Variants in CRACD observed in about 807,000 individuals in gnomAD.
CRACD encodes capping protein-inhibiting regulator of actin dynamics.
A neutral mutation model predicts 106.8 loss-of-function variants in CRACD; 56 were observed. The observed-to-expected ratio is 0.52, with a 90% CI of 0.42 to 0.66. CRACD has a LOEUF of 0.66. Among genes scored for constraint, CRACD ranks in the 30% least tolerant of loss-of-function variants. The pLI, the probability that CRACD is intolerant of heterozygous loss-of-function variation, is 0.00. For missense variants in CRACD, 1,730 were observed against 1,623.2 expected (o/e 1.07, Z -1.13); for synonymous variants, 754 against 670.8 (o/e 1.12, Z -1.92).
chr4:56,196,673 C>T (rs1737627454), intron 2 of CRACD, among the ~76,000 whole-genome samples: 1 of 152,182 alleles, frequency 6.6e-6, no homozygotes, highest in African/African-American at 2.4e-5. Context: ...TCTAGTGACT[C>T]TGTCTTTACT....
Position 56,316,389 on chromosome 4 carries a change from C to T in CRACD, c.2887C>T (p.Leu963=). ...AATGCCACTGGCACAAAAGCCAGCA[C>T]TGGCTCCCAAGCCCACCAGTCAGAC... ...NKMPLAQKPA[L]APKPTSQTPP... is the part of the protein sequence containing the mutation. Residue 963 remains leucine, a synonymous_variant, in exon 8 of 11, where the codon CTG becomes TTG. Transcript: ENST00000682029. 1 of 1,614,164 alleles carries T rather than the reference C, an allele frequency of 6.2e-7. No homozygotes were observed. The highest frequency in any genetic ancestry group is 1.1e-5 in the South Asian group (1 of 91,092).
chr4:56,182,805 A>G (rs1251155201), intron 2 of CRACD, among the ~76,000 whole-genome samples: 12 of 151,984 alleles, frequency 7.9e-5, no homozygotes, highest in Non-Finnish European at 1.8e-4. Flanking sequence ...AAACATATGT[A>G]GAACATTTTG....
At chr4:56,071,271 G>A (rs1393128054) in intron 1 of CRACD, among the ~76,000 whole-genome samples, 1 of 152,212 alleles carries the variant, frequency 6.6e-6, no homozygotes, top group African/African-American at 2.4e-5. Flanking sequence ...TGACAGTGGA[G>A]TGTACCTGCA....
At position 56,315,065 on chromosome 4, in the gene CRACD, G is replaced by A. The variant is rs770143053; in HGVS notation, c.1563G>A (p.Glu521=). 1.9e-5 allele frequency: 30 copies of A among 1,609,784 alleles called. No individual in the cohort carries two copies. The Middle Eastern group carries it at 4.9e-4, about 26-fold the overall frequency. ...AALEQGRKVE[E]LRWQEVDERQ... Reference sequence around the variant, plus strand: ...TTGAACAAGGCCGCAAGGTGGAGGAGCTGCGGTGGCAGGAGGTGGACGAGA... The same window carrying A: ...TTGAACAAGGCCGCAAGGTGGAGGAACTGCGGTGGCAGGAGGTGGACGAGA... The change falls in exon 8 of 11, where the codon GAG becomes GAA. Residue 521 remains glutamate (E), a synonymous_variant. Transcript: ENST00000682029. The surrounding 1 kb of genome is among the most constrained non-coding windows in gnomAD (Gnocchi z 4.1).
At chr4:56,192,992 C>T (rs1737445729) in intron 2 of CRACD, among the ~76,000 whole-genome samples, 1 of 152,144 alleles carries the variant, frequency 6.6e-6, no homozygotes, top group African/African-American at 2.4e-5. Context: ...GCTGATTAGT[C>T]CATTCTCATG....
intron 1 of CRACD, among the ~76,000 whole-genome samples, chr4:56,126,909 G>C (rs1734678365): frequency 6.6e-6 from 1 of 152,006 alleles, no homozygotes; most frequent in Non-Finnish European, 1.5e-5. Flanking sequence ...CTGTTTGTTT[G>C]TTTTCTATTC....
At chr4:56,169,521 A>G (rs894560234) in intron 1 of CRACD, among the ~76,000 whole-genome samples, 5 of 152,056 alleles carry the variant, frequency 3.3e-5, no homozygotes, top group Admixed American at 6.6e-5. Context: ...GTTTTGAGAC[A>G]GGATCTGGCT....
intron 1 of CRACD, among the ~76,000 whole-genome samples, chr4:56,077,125 TG>T (rs890113617): frequency 6.6e-6 from 1 of 152,170 alleles, no homozygotes; most frequent in Non-Finnish European, 1.5e-5. Flanking sequence ...TACCCAAGAC[TG>T]GGTAATTTAT....
intron 1 of CRACD, among the ~76,000 whole-genome samples, chr4:56,100,449 T>C (rs146856069): frequency 1.3e-5 from 2 of 152,356 alleles, no homozygotes; most frequent in African/African-American, 4.8e-5. Context: ...AGAGTAACTT[T>C]ACTGCCTCCC....
chr4:56,148,710 T>C (rs6837469), intron 1 of CRACD, among the ~76,000 whole-genome samples: 67,428 of 152,066 alleles, frequency 0.44, 15,534 homozygotes, highest in African/African-American at 0.57. Flanking sequence ...TCAAATTGTT[T>C]CTTTATTGTT....
At chr4:56,080,358 A>T (rs1220405589) in intron 1 of CRACD, among the ~76,000 whole-genome samples, 1 of 152,196 alleles carries the variant, frequency 6.6e-6, no homozygotes, top group African/African-American at 2.4e-5. Flanking sequence ...TCTAAATTTG[A>T]TGTCCATAAA....
At chr4:56,158,753 A>G (rs540906774) in intron 1 of CRACD, among the ~76,000 whole-genome samples, 2 of 152,370 alleles carry the variant, frequency 1.3e-5, no homozygotes, top group South Asian at 2.1e-4. Context: ...GCAGCCATCA[A>G]TCAGCTCTTT....
chr4:56,314,501 GC>G lies in CRACD; in HGVS notation c.1000del (p.Arg334GlyfsTer90). 2 of 1,517,964 alleles carry G rather than the reference GC, an allele frequency of 1.3e-6. No homozygotes were observed. Among genetic ancestry groups the G allele is most frequent in the Non-Finnish European group, 8.8e-7 (1 of 1,136,116 alleles). 94.0% of individuals were successfully genotyped at this position (1,517,964 alleles called of 1,614,324 possible). A position where few individuals can be genotyped will look rare whatever the true frequency, so the allele number is the denominator to read the frequency against. ...CCCAGGCCCAAGCGGAGGAGAGGCG[GC>G]GGCTGGAGGAGGACGCCAGGCTGGA... is the stretch of plus-strand genomic sequence containing the variant. ...QAQAQAEERR[R>X]LEEDARLEER... On this transcript the variant is annotated frameshift_variant, in exon 8 of 11. Coordinates refer to ENST00000682029, the MANE Select transcript of CRACD (RefSeq NM_001393381.1). LOFTEE classifies it high-confidence loss of function. The surrounding 1 kb of genome is among the most constrained non-coding windows in gnomAD (Gnocchi z 4.4).
intron 9 of CRACD, 83 bp from the exon 10 acceptor site, chr4:56,324,021 A>G: frequency 2.8e-6 from 4 of 1,447,220 alleles, no homozygotes; most frequent in Non-Finnish European, 3.7e-6. Context: ...GCTGGCAGGC[A>G]GAGGCCCCGA....
intron 3 of CRACD, among the ~76,000 whole-genome samples, chr4:56,274,580 T>G (rs1246961504): frequency 6.6e-6 from 1 of 152,240 alleles, no homozygotes; most frequent in Non-Finnish European, 1.5e-5. Context: ...AATTCCACTT[T>G]GGATCAAATA....
At chr4:56,254,747 A>G (rs943958768) in intron 2 of CRACD, among the ~76,000 whole-genome samples, 1 of 152,096 alleles carries the variant, frequency 6.6e-6, no homozygotes, top group Non-Finnish European at 1.5e-5. Context: ...TGGTTTGAGA[A>G]TTTGACTTTA....
At chr4:56,157,720 C>G (rs1004856760) in intron 1 of CRACD, among the ~76,000 whole-genome samples, 2 of 152,042 alleles carry the variant, frequency 1.3e-5, no homozygotes, top group Non-Finnish European at 2.9e-5. Context: ...TCAGGGGAGT[C>G]CCATTTCAGT....
At chr4:56,131,902 T>C (rs1335975658) in intron 1 of CRACD, among the ~76,000 whole-genome samples, 1 of 152,184 alleles carries the variant, frequency 6.6e-6, no homozygotes, top group Non-Finnish European at 1.5e-5. Flanking sequence ...TTGGGTTATA[T>C]TATAAATATT....
At chr4:56,140,870 G>A (rs924836884) in intron 1 of CRACD, among the ~76,000 whole-genome samples, 4 of 152,038 alleles carry the variant, frequency 2.6e-5, no homozygotes, top group African/African-American at 9.7e-5. Context: ...CTAAACCCTG[G>A]GTATATCCCA....
Sources: gnomAD v4.1 joint callset for allele counts (sites outside exome capture counted in the v4.1 genomes callset) on GRCh38, gnomAD v4.1.1 for gene constraint, Gnocchi (gnomAD v3.1) non-coding constraint, MANE v1.5 for transcripts, NCBI Gene and HGNC (gene_info 2026-07-23, HGNC 2026-07-21) for gene names.